Variants in PROM1 observed in about 807,000 individuals in gnomAD.
PROM1 encodes the protein prominin-1.
Under a neutral mutation model 116.9 loss-of-function variants are expected in PROM1, and 105 were observed. The ratio of observed to expected loss-of-function variants is 0.90; its 90% CI spans 0.77 to 1.06. PROM1 has a LOEUF of 1.06. Ranked by LOEUF, PROM1 falls within the 50% of genes least tolerant of loss-of-function variation. The probability of loss-of-function intolerance (pLI) is 0.00; values close to 1 mark genes in which losing one functional copy is unlikely to be tolerated. For synonymous variants in PROM1, 393 were observed against 387.0 expected, an observed-to-expected ratio of 1.02 and a Z score of -0.18; for missense variants, 1,122 against 1,045.2, an observed-to-expected ratio of 1.07 and a Z score of -1.01.
At chr4:15,982,516 C>A (rs992577017) in intron 23 of PROM1, among the ~76,000 whole-genome samples, 3 of 152,188 alleles carry the variant, frequency 2.0e-5, no homozygotes, top group Non-Finnish European at 4.4e-5. Context: ...CACAGTCTAT[C>A]GTATTGACTA....
intron 4 of PROM1, among the ~76,000 whole-genome samples, chr4:16,034,102 A>T (rs2149385773): frequency 6.6e-6 from 1 of 152,246 alleles, no homozygotes; most frequent in Admixed American, 6.5e-5. Flanking sequence ...GTTTGTTTTT[A>T]AATGGATCAA....
chr4:15,970,740 A>G (rs1714319826), intron 27 of PROM1, among the ~76,000 whole-genome samples: 1 of 152,168 alleles, frequency 6.6e-6, no homozygotes, highest in East Asian at 1.9e-4. Context: ...AATACCTAAT[A>G]CAATGTAAGT....
chr4:16,035,452 A>T (rs1733735939), intron 4 of PROM1, among the ~76,000 whole-genome samples: 1 of 152,220 alleles, frequency 6.6e-6, no homozygotes. Flanking sequence ...CAGTATCAGG[A>T]ACAAGATACG....
chr4:15,979,904 A>G lies in PROM1; in HGVS notation c.2490T>C (p.Asp830=), dbSNP rs1161401501. The change falls in exon 25 of 28, where the codon GAT becomes GAC. Residue 830 remains aspartate (D), a splice_region_variant and synonymous_variant. Transcript: ENST00000447510. Reference sequence around the variant, plus strand: ...ACTTTTTCATGGGTATAGTTTCAACACTATAAAATACAAAAAAGGGAGATA... The same window carrying G: ...ACTTTTTCATGGGTATAGTTTCAACGCTATAAAATACAAAAAAGGGAGATA... ...RRMDSEDVYD[D]VETIPMKNME... is the part of the protein sequence containing the mutation. 3 of 1,389,658 alleles carry G rather than the reference A, an allele frequency of 2.2e-6. No individual in the cohort carries two copies. The highest frequency in any genetic ancestry group is 2.9e-6 in the Non-Finnish European group (3 of 1,027,016). The allele number at this position is 1,389,658 out of a possible 1,614,324, so 86.1% of individuals were successfully genotyped here.
chr4:16,019,691 G>A (rs1462748449), intron 8 of PROM1, among the ~76,000 whole-genome samples: 4 of 152,284 alleles, frequency 2.6e-5, no homozygotes, highest in African/African-American at 7.2e-5. Flanking sequence ...AGAGGGCTTT[G>A]CTCTTCTTCT....
At chr4:16,033,143 C>G (rs951187529) in intron 5 of PROM1, among the ~76,000 whole-genome samples, 161 bp downstream of exon 5, 1 of 152,052 alleles carries the variant, frequency 6.6e-6, no homozygotes, top group African/African-American at 2.4e-5. Flanking sequence ...CCTTTCGAAT[C>G]ACTCTAGACA....
At chr4:15,976,194 C>A (rs1263361128) in intron 26 of PROM1, 1 of 455,674 alleles carries the variant, frequency 2.2e-6, no homozygotes, top group Non-Finnish European at 4.4e-6. Flanking sequence ...CGAATTTCAA[C>A]ACTAAAAGCC....
intron 2 of PROM1, among the ~76,000 whole-genome samples, chr4:16,046,136 T>A (rs1578197581): frequency 2.6e-5 from 4 of 152,222 alleles, no homozygotes; most frequent in African/African-American, 9.6e-5. Context: ...AAATGGCTGG[T>A]AAAATGAGCT....
In PROM1 at chr4:16,015,345, C is replaced by CAAAAAAA. The variant is rs71649934; in HGVS notation, c.1077+814_1077+820dup. On this transcript the variant is annotated intron_variant, in intron 10 of 27. Transcript: ENST00000447510. ...TGGGCAACAGCGCAAGACTCCATCT[C>CAAAAAAA]AAAAAAAAAAAAAAAAAAAAAGAAG... Among the ~76,000 whole-genome samples, 144 of 51,032 alleles carry CAAAAAAA rather than the reference C, an allele frequency of 2.8e-3. 1 individual carries two copies. The highest frequency in any genetic ancestry group is 3.8e-3 in the Non-Finnish European group (116 of 30,200). 33.5% of individuals were successfully genotyped at this position (51,032 alleles called of 152,430 possible).
chr4:15,970,154 C>CTTTCT (rs1263334517), intron 27 of PROM1, among the ~76,000 whole-genome samples: 84 of 151,180 alleles, frequency 5.6e-4, no homozygotes, highest in African/African-American at 1.8e-3. Context: ...TAAAAAAACA[C>CTTTCT]TTTCTTTTCT....
chr4:16,048,810 G>A (rs1737160183), intron 2 of PROM1, among the ~76,000 whole-genome samples: 1 of 152,178 alleles, frequency 6.6e-6, no homozygotes. Flanking sequence ...TAGCTTCCTG[G>A]CAGCCATGTG....
intron 13 of PROM1, among the ~76,000 whole-genome samples, chr4:16,004,319 G>A (rs1724621744): frequency 6.6e-6 from 1 of 152,076 alleles, no homozygotes; most frequent in African/African-American, 2.4e-5. Context: ...CCATGCCACA[G>A]GTCTCCATGT....
intron 1 of PROM1, chr4:16,079,842 TG>T (rs1744666195): frequency 6.6e-6 from 1 of 151,714 alleles, no homozygotes; most frequent in South Asian, 2.1e-4. Flanking sequence ...AAATAACACA[TG>T]TAAGGTGAAA....
chr4:16,063,294 A>T (rs1359118590), intron 2 of PROM1, among the ~76,000 whole-genome samples: 1 of 152,172 alleles, frequency 6.6e-6, no homozygotes, highest in Non-Finnish European at 1.5e-5. Context: ...TGCACCTTAT[A>T]AATCAAAAAT....
At chr4:16,007,952 C>A (rs1320687261) in intron 12 of PROM1, among the ~76,000 whole-genome samples, 1 of 152,130 alleles carries the variant, frequency 6.6e-6, no homozygotes, top group Non-Finnish European at 1.5e-5. Context: ...TGCTAGCTGG[C>A]CTTAAGGAAG....
chr4:15,982,529 T>C (rs3796855), intron 23 of PROM1, among the ~76,000 whole-genome samples: 44,455 of 152,104 alleles, frequency 0.29, 6,700 homozygotes, highest in Admixed American at 0.35. Flanking sequence ...ATTGACTAAA[T>C]GGATGCCCAG....
intron 2 of PROM1, among the ~76,000 whole-genome samples, chr4:16,066,566 T>C (rs1163901890): frequency 2.0e-5 from 3 of 152,128 alleles, no homozygotes; most frequent in Non-Finnish European, 4.4e-5. Flanking sequence ...TGAATCTTGA[T>C]CCCAGGCACA....
intron 26 of PROM1, among the ~76,000 whole-genome samples, chr4:15,978,078 C>T (rs1405957987): frequency 1.3e-5 from 2 of 152,142 alleles, no homozygotes; most frequent in East Asian, 1.9e-4. Context: ...TTGCCCTTTC[C>T]ACCATGTGAG....
In PROM1 at chr4:16,046,363, T is replaced by A. The variant is rs1350898469; in HGVS notation, c.221-7362A>T. 2.6e-5 allele frequency among the ~76,000 whole-genome samples: 4 copies of A among 152,184 alleles called. No homozygotes were observed. In the East Asian group the frequency reaches 7.7e-4, roughly 29 times the overall value. On this transcript the variant is annotated intron_variant, in intron 2 of 27. Transcript: ENST00000447510. ...TCTTCCCTCATTGGGCTAGGCCCGCTGGGTTTTGTTTTTATGCTTTAGAAC... is the reference window on the plus strand; with the variant it reads ...TCTTCCCTCATTGGGCTAGGCCCGCAGGGTTTTGTTTTTATGCTTTAGAAC...
Sources: allele counts gnomAD v4.1 joint callset (sites outside exome capture counted in the v4.1 genomes callset), GRCh38; gene constraint gnomAD v4.1.1; transcripts MANE v1.5; gene names NCBI Gene and HGNC (gene_info 2026-07-23, HGNC 2026-07-21).